The following ALDH7A1 variants were observed in gnomAD, a reference collection of about 807,000 sequenced individuals.
ALDH7A1 encodes the protein aldehyde dehydrogenase 7 family member A1, also known as alpha-aminoadipic semialdehyde dehydrogenase.
Under a neutral mutation model 79.9 loss-of-function variants are expected in ALDH7A1, and 63 were observed. The observed-to-expected ratio is 0.79, with a 90% CI of 0.64 to 0.97. The LOEUF (loss-of-function observed/expected upper bound fraction) is 0.97. Among genes scored for constraint, ALDH7A1 ranks in the 50% least tolerant of loss-of-function variants. The pLI, the probability that ALDH7A1 is intolerant of heterozygous loss-of-function variation, is 0.00. For synonymous variants in ALDH7A1, 240 were observed against 231.2 expected (o/e 1.04, Z -0.34); for missense variants, 627 against 665.2 (o/e 0.94, Z 0.63).
intron 1 of ALDH7A1, chr5:126,594,092 G>T: frequency 2.6e-6 from 1 of 382,098 alleles, no homozygotes; most frequent in Non-Finnish European, 5.5e-6. Context: ...AAAAATCTGG[G>T]CGATAATAAC....
At chr5:126,556,239 C>CTTTTTTTTTT (rs35367836) in intron 11 of ALDH7A1, among the ~76,000 whole-genome samples, 13 of 97,934 alleles carry the variant, frequency 1.3e-4, no homozygotes, top group African/African-American at 1.9e-4. Context: ...TAAGCCATGT[C>CTTTTTTTTTT]TTTTTTTTTT....
chr5:126,552,695 C>G (rs1384725688), intron 13 of ALDH7A1, among the ~76,000 whole-genome samples: 1 of 152,048 alleles, frequency 6.6e-6, no homozygotes, highest in South Asian at 2.1e-4. Flanking sequence ...ACATGCCCGG[C>G]CACAAACAAA....
intron 3 of ALDH7A1, among the ~76,000 whole-genome samples, chr5:126,591,404 A>C (rs1751549784): frequency 6.6e-6 from 1 of 151,830 alleles, no homozygotes; most frequent in South Asian, 2.1e-4. Flanking sequence ...AAAAAGCTTC[A>C]TCCAACCCAG....
chr5:126,564,432 G>T, intron 9 of ALDH7A1: 1 of 828,606 alleles, frequency 1.2e-6, no homozygotes, highest in Non-Finnish European at 1.6e-6. Context: ...ACAGACGTGA[G>T]CCACTGTGCC....
At chr5:126,564,663 G>T in intron 9 of ALDH7A1, 2 of 758,290 alleles carry the variant, frequency 2.6e-6, no homozygotes, top group Non-Finnish European at 1.8e-6. Context: ...GCCACCAAAT[G>T]CTACACCAAC....
rs1164762204 is a variant in ALDH7A1 at position 126,544,947 on chromosome 5, T to C, written c.*18A>G. 11 of 1,592,996 alleles carry C rather than the reference T, an allele frequency of 6.9e-6. No homozygotes were observed. The highest frequency in any genetic ancestry group is 1.3e-5 in the African/African-American group (1 of 74,438). On this transcript the variant is annotated 3_prime_UTR_variant, in exon 18 of 18. Coordinates refer to ENST00000409134, the MANE Select transcript of ALDH7A1 (RefSeq NM_001182.5). ...TGCTGGAACACCTCAAATTAAGGGA[T>C]GTTCATCTAAAACACCTTTACTGAA...
At chr5:126,576,156 G>T (rs1750958113) in intron 6 of ALDH7A1, among the ~76,000 whole-genome samples, 3 of 151,702 alleles carry the variant, frequency 2.0e-5, no homozygotes, top group Non-Finnish European at 4.4e-5. Flanking sequence ...CCAGCTACTC[G>T]GGAGGCTGAG....
rs1243187531 is a variant in ALDH7A1 at position 126,542,042 on chromosome 5, T to C, written c.*2923A>G. ...ATCCTATATTCAATCAATATGGGGA[T>C]AAAGTTCTTCCCCTTGGATAGGAGA... On this transcript the variant is annotated 3_prime_UTR_variant, in exon 18 of 18. Transcript: ENST00000409134. 1 of 150,296 alleles carries C rather than the reference T, an allele frequency of 6.7e-6. No individual in the cohort carries two copies. The highest frequency in any genetic ancestry group is 2.1e-4 in the South Asian group (1 of 4,776). The allele number at this position is 150,296 out of a possible 1,614,324, so 9.3% of individuals were successfully genotyped here.
intron 14 of ALDH7A1, among the ~76,000 whole-genome samples, chr5:126,551,496 GT>G (rs542136003): frequency 6.6e-6 from 1 of 151,674 alleles, no homozygotes; most frequent in African/African-American, 2.4e-5. Flanking sequence ...TAATTTTTTT[GT>G]TTTTTAGTAG....
intron 11 of ALDH7A1, among the ~76,000 whole-genome samples, chr5:126,557,659 C>T (rs1269256912): frequency 6.6e-6 from 1 of 151,668 alleles, no homozygotes; most frequent in African/African-American, 2.4e-5. Context: ...TTAGCTTATT[C>T]TAATTAATTT....
chr5:126,593,118 T>G (rs991975572), intron 2 of ALDH7A1, among the ~76,000 whole-genome samples: 7 of 152,144 alleles, frequency 4.6e-5, no homozygotes, highest in African/African-American at 1.7e-4. Flanking sequence ...CGCTTCACCT[T>G]TTCTATGGTT....
At chr5:126,574,990 G>A (rs7700981) in intron 7 of ALDH7A1, among the ~76,000 whole-genome samples, 7,087 of 152,240 alleles carry the variant, frequency 0.047, 201 homozygotes, top group East Asian at 0.14. Context: ...ACATTTTAGT[G>A]TTAGATGAAT....
Position 126,594,993 on chromosome 5 carries a change from G to A in ALDH7A1, c.192+14C>T. On this transcript the variant is annotated intron_variant, in intron 1 of 17. Coordinates refer to ENST00000409134, the MANE Select transcript of ALDH7A1 (RefSeq NM_001182.5). ...GCCCCGGCGGCTGCAGAGATTTCTT[G>A]AGCGCCCGCGTACCTCTCCCCGGCC... 6.3e-7 allele frequency: 1 copy of A among 1,582,000 alleles called. No homozygotes were observed. The highest frequency in any genetic ancestry group is 8.6e-7 in the Non-Finnish European group (1 of 1,164,694).
chr5:126,585,004 A>C (rs192499885), intron 3 of ALDH7A1, among the ~76,000 whole-genome samples: 2 of 152,278 alleles, frequency 1.3e-5, no homozygotes, highest in East Asian at 3.9e-4. Context: ...CCTCTCCTTC[A>C]AAGTACAGCT....
In ALDH7A1 at chr5:126,554,295, CA is replaced by C; in HGVS notation, c.1191del (p.Tyr397Ter). 1 of 1,613,914 alleles carries C rather than the reference CA, an allele frequency of 6.2e-7. No homozygotes were observed. Among genetic ancestry groups the C allele is most frequent in the South Asian group, 1.1e-5 (1 of 91,072 alleles). ...EAKKEGGTVVYGGKVMDRPGN... is the reference protein window; with the variant it reads ...EAKKEGGTVVXGGKVMDRPGN... ...CTCAGAGCATCCCTTACCTTGCCCC[CA>C]TAGACCACTGTGCCACCTTCTTTCT... On this transcript the variant is annotated frameshift_variant, in exon 13 of 18. Coordinates refer to ENST00000409134, the MANE Select transcript of ALDH7A1 (RefSeq NM_001182.5). LOFTEE classifies it high-confidence loss of function.
chr5:126,576,856 G>A (rs1029212841), intron 6 of ALDH7A1, among the ~76,000 whole-genome samples: 1 of 152,186 alleles, frequency 6.6e-6, no homozygotes, highest in Admixed American at 6.5e-5. Context: ...GAACCTGGGA[G>A]GCGGAGGTTG....
At chr5:126,576,915 G>A (rs967140230) in intron 6 of ALDH7A1, among the ~76,000 whole-genome samples, 164 bp downstream of exon 6, 5 of 152,124 alleles carry the variant, frequency 3.3e-5, no homozygotes, top group African/African-American at 1.2e-4. Context: ...CAACAAGAGT[G>A]AAACTCCATC....
intron 10 of ALDH7A1, 51 bp downstream of exon 10, chr5:126,561,032 C>T (rs769222352): frequency 2.3e-5 from 36 of 1,592,520 alleles, no homozygotes; most frequent in Admixed American, 2.0e-4. Flanking sequence ...TTCAGGATGG[C>T]GACTGTGGAA....
rs370371505 is a variant in ALDH7A1 at position 126,553,003 on chromosome 5, A to C, written c.1201-866T>G. On this transcript the variant is annotated intron_variant, in intron 13 of 17. Transcript: ENST00000409134. ...GCAATCCTCCCACCACAGCCTCCCA[A>C]AGTGCTGAGATTGCAGGTGTGAGCC... is the stretch of plus-strand genomic sequence containing the variant. Among the ~76,000 whole-genome samples the C allele has an allele frequency of 1.7e-3, 254 of 152,116 alleles. 1 individual carries two copies. The highest frequency in any genetic ancestry group is 5.8e-3 in the African/African-American group (239 of 41,516).
Sources: allele counts gnomAD v4.1 joint callset (sites outside exome capture counted in the v4.1 genomes callset), GRCh38; gene constraint gnomAD v4.1.1; transcripts MANE v1.5; gene names NCBI Gene and HGNC (gene_info 2026-07-23, HGNC 2026-07-21).